ERMARD: variants seen among roughly 807,000 people sequenced by gnomAD.
ERMARD encodes the protein endoplasmic reticulum membrane-associated RNA degradation protein.
In ERMARD, 71 loss-of-function variants were observed where a neutral mutation model predicts 83.9. The observed-to-expected ratio is 0.85, with a 90% CI of 0.70 to 1.03. The LOEUF is 1.03. ERMARD is among the 50% of genes least tolerant of loss of function. The probability of loss-of-function intolerance (pLI) is 0.00; values close to 1 mark genes in which losing one functional copy is unlikely to be tolerated. For missense variants in ERMARD, 838 were observed against 810.9 expected (o/e 1.03, Z -0.41); for synonymous variants, 284 against 298.6 (o/e 0.95, Z 0.50).
Position 169,775,413 on chromosome 6 carries a change from C to A in ERMARD, c.1394+67C>A. On this transcript the variant is annotated intron_variant, in intron 14 of 17. Coordinates refer to ENST00000366773, the MANE Select transcript of ERMARD (RefSeq NM_018341.3). Reference sequence around the variant, plus strand: ...GGTACTATTAGTTTCAGCAGCATTTCTTCTTTAACGAGGCTGTGGGAAGAT... The same window carrying A: ...GGTACTATTAGTTTCAGCAGCATTTATTCTTTAACGAGGCTGTGGGAAGAT... The A allele has an allele frequency of 5.2e-6, 8 of 1,541,902 alleles. 1 individual carries two copies. In the Middle Eastern group the frequency reaches 8.4e-4, roughly 163 times the overall value.
chr6:169,753,839 C>T, intron 1 of ERMARD, 25 bp from the exon 2 acceptor site: 1 of 1,480,712 alleles, frequency 6.8e-7, no homozygotes, highest in South Asian at 1.3e-5. Context: ...TTAAGCAGTG[C>T]CTTTTATTTT....
chr6:169,758,544 C>G (rs561485654), intron 5 of ERMARD, among the ~76,000 whole-genome samples: 31 of 152,350 alleles, frequency 2.0e-4, no homozygotes, highest in African/African-American at 7.0e-4. Flanking sequence ...CTGCTTAATA[C>G]AGTGATATGT....
intron 9 of ERMARD, 140 bp downstream of exon 9, chr6:169,762,671 C>A: frequency 1.6e-6 from 1 of 638,304 alleles, no homozygotes; most frequent in East Asian, 2.8e-5. Context: ...GAAGGCCTAT[C>A]ATTTCTATAG....
At chr6:169,751,368 T>C (rs1006855838), upstream of ERMARD, 2 of 1,613,998 alleles carry the variant, frequency 1.2e-6, no homozygotes, top group Non-Finnish European at 1.7e-6. Flanking sequence ...CTAGGCCTCC[T>C]TTCTTTCCTA....
chr6:169,756,076 C>T (rs1790777011), intron 3 of ERMARD, among the ~76,000 whole-genome samples: 1 of 152,138 alleles, frequency 6.6e-6, no homozygotes. Flanking sequence ...GGTCAAAATG[C>T]TTGACTTTTC....
At chr6:169,767,687 C>A in intron 10 of ERMARD, 1 of 222,270 alleles carries the variant, frequency 4.5e-6, no homozygotes, top group Non-Finnish European at 9.1e-6. Context: ...CATGCACACA[C>A]CACACACGAA....
chr6:169,773,474 G>A (rs1256405739), intron 13 of ERMARD, 72 bp downstream of exon 13: 5 of 1,470,952 alleles, frequency 3.4e-6, no homozygotes, highest in Non-Finnish European at 4.7e-6. Context: ...AGAGATGCTG[G>A]AAGGGTGCAG....
intron 13 of ERMARD, 122 bp downstream of exon 13, chr6:169,773,524 C>A: frequency 2.1e-6 from 2 of 940,230 alleles, no homozygotes; most frequent in Non-Finnish European, 3.3e-6. Context: ...GCAGATCCAG[C>A]TTTTTAACCA....
At chr6:169,751,699 T>G (rs1189526215) in intron 1 of ERMARD, 36 bp downstream of exon 1, 1 of 1,537,630 alleles carries the variant, frequency 6.5e-7, no homozygotes, top group Non-Finnish European at 8.8e-7. Flanking sequence ...GATCCCGAGC[T>G]AGGCAGGGAG....
intron 9 of ERMARD, among the ~76,000 whole-genome samples, chr6:169,764,163 C>G (rs997303939): frequency 6.6e-6 from 1 of 152,144 alleles, no homozygotes; most frequent in South Asian, 2.1e-4. Context: ...AGAAGCCCCC[C>G]GCCTGGCTCC....
intron 16 of ERMARD, among the ~76,000 whole-genome samples, chr6:169,778,838 G>C (rs965661989): frequency 3.3e-5 from 5 of 152,256 alleles, no homozygotes; most frequent in Non-Finnish European, 7.3e-5. Context: ...AGATGTCAGA[G>C]GGCAGCGAGC....
chr6:169,779,448 G>A (rs1239685621), intron 17 of ERMARD, among the ~76,000 whole-genome samples, 153 bp downstream of exon 17: 2 of 152,190 alleles, frequency 1.3e-5, no homozygotes, highest in Non-Finnish European at 2.9e-5. Flanking sequence ...TGGCCTGCAA[G>A]AACTCCCACA....
At chr6:169,751,581 G>A (rs2128338054), upstream of ERMARD, 5 of 1,603,886 alleles carry the variant, frequency 3.1e-6, no homozygotes, top group East Asian at 4.5e-5. Context: ...GTGCCCGCCA[G>A]GGCTCCAAAG....
At chr6:169,768,934 G>A (rs1792553043) in intron 11 of ERMARD, among the ~76,000 whole-genome samples, 1 of 152,154 alleles carries the variant, frequency 6.6e-6, no homozygotes, top group Admixed American at 6.5e-5. Flanking sequence ...TAACAGTCAG[G>A]CGACCTAGAA....
intron 13 of ERMARD, 101 bp downstream of exon 13, chr6:169,773,503 C>CTT: frequency 8.4e-7 from 1 of 1,185,720 alleles, no homozygotes; most frequent in South Asian, 1.3e-5. Context: ...CTGAGTCAGA[C>CTT]TTTGAGTTGG....
intron 3 of ERMARD, chr6:169,755,676 C>A: frequency 2.3e-6 from 1 of 431,622 alleles, no homozygotes; most frequent in South Asian, 3.2e-5. Flanking sequence ...ACATTTGTCA[C>A]ACGGTGCCCA....
At chr6:169,780,997 TTATTA>T (rs1562357779) in intron 17 of ERMARD, among the ~76,000 whole-genome samples, 1 of 152,214 alleles carries the variant, frequency 6.6e-6, no homozygotes, top group South Asian at 2.1e-4. Context: ...TGCTGTGTGT[TTATTA>T]TATTATGTGT....
At chr6:169,779,679 GATGAGGTCTCACT>G (rs1302666382) in intron 17 of ERMARD, among the ~76,000 whole-genome samples, 3 of 152,144 alleles carry the variant, frequency 2.0e-5, no homozygotes, top group Non-Finnish European at 2.9e-5. Flanking sequence ...TTTTTGTAGA[GATGAGGTCTCACT>G]ATGTTGCCCT....
In ERMARD at chr6:169,759,044, C is replaced by T. The variant is rs749040943; in HGVS notation, c.584C>T (p.Ser195Leu). 1.2e-6 allele frequency: 2 copies of T among 1,613,868 alleles called. No homozygotes were observed. The highest frequency in any genetic ancestry group is 3.3e-5 in the Admixed American group (2 of 59,976). ...LRNVLWHGFA[S>L]PEEIPPKYCS... ...AACGTCTTATGGCATGGGTTTGCGT[C>T]ACCTGAAGAAATTCCTCCAAAGTAA... The change falls in exon 6 of 18, where the codon TCA becomes TTA. Residue 195 changes from serine to leucine, a missense_variant. Coordinates refer to ENST00000366773, the MANE Select transcript of ERMARD (RefSeq NM_018341.3).
Sources: allele counts gnomAD v4.1 joint callset (sites outside exome capture counted in the v4.1 genomes callset), GRCh38; gene constraint gnomAD v4.1.1; transcripts MANE v1.5; gene names NCBI Gene and HGNC (gene_info 2026-07-23, HGNC 2026-07-21).